NBPF15: variants seen among roughly 807,000 people sequenced by gnomAD.
The protein encoded by NBPF15 is NBPF family member NBPF15.
In NBPF15, 74 loss-of-function variants were observed where a neutral mutation model predicts 62.2. That is an observed-to-expected ratio of 1.19 (90% CI 0.99 to 1.44). The LOEUF (loss-of-function observed/expected upper bound fraction) is 1.44, where lower values mean the gene tolerates loss of function less well. NBPF15 is among the 40% of genes most tolerant of loss of function. NBPF15 has a pLI of 0.00. For synonymous variants in NBPF15, 244 were observed against 209.7 expected, an observed-to-expected ratio of 1.16 and a Z score of -1.41; for missense variants, 790 against 550.0, an observed-to-expected ratio of 1.44 and a Z score of -4.36.
chr1:144,451,572 G>A lies in NBPF15; in HGVS notation c.-431-702C>T, dbSNP rs139798424. Among the ~76,000 whole-genome samples the A allele has an allele frequency of 5.5e-4, 83 of 152,018 alleles. 1 individual carries two copies. The East Asian group carries it at 9.3e-3, about 17-fold the overall frequency. On this transcript the variant is annotated intron_variant, in intron 4 of 21. Transcript: ENST00000581897. ...TAGGCAGAGGTCCCTGCAGTCTTCC[G>A]CAGTGTAGTGTGTCTCTGGGCACTT...
chr1:144,422,753 T>A lies in NBPF15; in HGVS notation c.*260A>T, dbSNP rs1305254521. The A allele has an allele frequency of 2.6e-6, 2 of 766,932 alleles. No individual in the cohort carries two copies. Among genetic ancestry groups the A allele is most frequent in the Non-Finnish European group, 4.1e-6 (2 of 493,150 alleles). The allele number at this position is 766,932 out of a possible 1,614,324, so 47.5% of individuals were successfully genotyped here. On this transcript the variant is annotated 3_prime_UTR_variant, in exon 22 of 22. Transcript: ENST00000581897. ...AATTTTGTAGCTACCCAGAGATACG[T>A]GGTTCAAATTAAAATGTCTGACTGA...
chr1:144,432,111 A>G (rs1408575009), intron 13 of NBPF15, among the ~76,000 whole-genome samples: 1 of 152,092 alleles, frequency 6.6e-6, no homozygotes, highest in African/African-American at 2.4e-5. Flanking sequence ...TCCCACCAAC[A>G]GTGTAAAAGT....
chr1:144,457,899 G>A (rs1553547468), intron 3 of NBPF15, among the ~76,000 whole-genome samples: 1 of 151,934 alleles, frequency 6.6e-6, no homozygotes, highest in East Asian at 1.9e-4. Flanking sequence ...AAACCAGTCT[G>A]AGCACTACAG....
chr1:144,440,551 G>A (rs1325641663), intron 6 of NBPF15: 4 of 269,960 alleles, frequency 1.5e-5, no homozygotes, highest in African/African-American at 6.7e-5. Flanking sequence ...CATCATCAAG[G>A]CAGAAACAGT....
At position 144,427,930 on chromosome 1, in the gene NBPF15, T is replaced by A. The variant is rs1414794123; in HGVS notation, c.1101A>T (p.Arg367Ser). 14 of 759,632 alleles carry A rather than the reference T, an allele frequency of 1.8e-5. No individual in the cohort carries two copies. Among genetic ancestry groups the A allele is most frequent in the African/African-American group, 1.7e-4 (10 of 57,780 alleles). 47.1% of individuals were successfully genotyped at this position (759,632 alleles called of 1,614,324 possible). The stretch of plus-strand genomic sequence containing the variant: ...GACAACCTGAAGGAGTTGAATAACA[T>A]CTATCCAGTGAGTCCTGCAAGACTT... ...EPEVLQDSLD[R>S]CYSTPSGCLE... Residue 367 changes from arginine (R) to serine (S), a missense_variant, in exon 16 of 22, where the codon AGA becomes AGT. Coordinates refer to ENST00000581897, the MANE Select transcript of NBPF15 (RefSeq NM_001385408.1).
At chr1:144,448,255 C>T (rs587650601) in intron 6 of NBPF15, among the ~76,000 whole-genome samples, 1 of 152,064 alleles carries the variant, frequency 6.6e-6, no homozygotes, top group African/African-American at 2.4e-5. Context: ...CTCTGATATT[C>T]TGTGACTCTG....
intron 13 of NBPF15, among the ~76,000 whole-genome samples, chr1:144,430,964 G>A (rs1475357937): frequency 6.6e-6 from 1 of 152,006 alleles, no homozygotes; most frequent in African/African-American, 2.4e-5. Context: ...TCAAGTGCAA[G>A]AAATGGTATC....
In NBPF15 at chr1:144,439,893, G is replaced by T. The variant is rs1681547320; in HGVS notation, c.111C>A (p.Asn37Lys). The T allele has an allele frequency of 3.7e-6, 6 of 1,611,266 alleles. No homozygotes were observed. Among genetic ancestry groups the T allele is most frequent in the African/African-American group, 1.3e-5 (1 of 74,792 alleles). Residue 37 changes from asparagine (N) to lysine (K), a missense_variant, in exon 8 of 22, where the codon AAC becomes AAA. Asn to Lys is a moderately conservative substitution (Grantham distance 94). Transcript: ENST00000581897. ...GAGTTAGAAAACATTTCTCTTTGAG[G>T]TTTCTGAACTGCTGTTTCTTCTCTG... ...QLAEKKQQFR[N>K]LKEKCFLTQL...
rs1330060957 is a variant in NBPF15, at chr1:144,423,760, G to T, written c.1769+110C>A. 1.4e-5 allele frequency: 10 copies of T among 706,964 alleles called. No homozygotes were observed. The Admixed American group carries it at 2.0e-4, about 14-fold the overall frequency. 43.8% of individuals were successfully genotyped at this position (706,964 alleles called of 1,614,324 possible). On this transcript the variant is annotated intron_variant, in intron 21 of 21. Transcript: ENST00000581897. ...AAAACCAACAGCAATGACAGTAGGA[G>T]TAATTCAGCCTTCGTTGAAAACATG...
chr1:144,447,137 C>A (rs1402137811), intron 6 of NBPF15, among the ~76,000 whole-genome samples: 1 of 152,300 alleles, frequency 6.6e-6, no homozygotes, highest in Non-Finnish European at 1.5e-5. Flanking sequence ...CTTCCAGAAC[C>A]CTGTTGTTCT....
Position 144,422,644 on chromosome 1 carries a change from T to G in NBPF15, c.*369A>C, listed in dbSNP as rs1292132639. The G allele has an allele frequency of 5.3e-6, 2 of 378,212 alleles. No individual in the cohort carries two copies. The highest frequency in any genetic ancestry group is 8.5e-5 in the Admixed American group (2 of 23,498). The allele number at this position is 378,212 out of a possible 1,614,324, so 23.4% of individuals were successfully genotyped here. On this transcript the variant is annotated 3_prime_UTR_variant, in exon 22 of 22. Coordinates refer to ENST00000581897, the MANE Select transcript of NBPF15 (RefSeq NM_001385408.1). ...TTCATTGAAACCAGGGTAACACCTT[T>G]GGATGAGCTAAACACAAAGATGACA...
chr1:144,451,322 A>T (rs1251636886), intron 4 of NBPF15, among the ~76,000 whole-genome samples: 1 of 151,720 alleles, frequency 6.6e-6, no homozygotes, highest in Admixed American at 6.6e-5. Flanking sequence ...GGGATATACA[A>T]TCGGGCTTTA....
chr1:144,429,404 A>G (rs1484339264), intron 14 of NBPF15, among the ~76,000 whole-genome samples: 3 of 151,552 alleles, frequency 2.0e-5, no homozygotes, highest in Non-Finnish European at 4.4e-5. Flanking sequence ...GCTCCTGGGC[A>G]TGTGCTGCAT....
chr1:144,460,509 C>G (rs1651929940), intron 2 of NBPF15, among the ~76,000 whole-genome samples: 1 of 149,424 alleles, frequency 6.7e-6, no homozygotes, highest in African/African-American at 2.5e-5. Context: ...AAACAAAAAG[C>G]TACTAACACA....
chr1:144,451,271 C>A (rs1553545425), intron 4 of NBPF15, among the ~76,000 whole-genome samples: 1 of 151,926 alleles, frequency 6.6e-6, no homozygotes. Context: ...CAGCATGTCC[C>A]ACCTCCAGTC....
At chr1:144,429,075 CT>C in intron 14 of NBPF15, among the ~76,000 whole-genome samples, 1 of 151,880 alleles carries the variant, frequency 6.6e-6, no homozygotes, top group Non-Finnish European at 1.5e-5. Context: ...TGTACCAGCT[CT>C]TGAGTCAAAA....
At chr1:144,443,314 T>C (rs1684955035) in intron 6 of NBPF15, among the ~76,000 whole-genome samples, 2 of 152,048 alleles carry the variant, frequency 1.3e-5, no homozygotes, top group East Asian at 3.9e-4. Context: ...CTTTGATATA[T>C]TTATGAATAC....
intron 6 of NBPF15, among the ~76,000 whole-genome samples, chr1:144,442,178 A>ATATATACACGTGTATATATATTAT (rs1683699652): frequency 9.1e-6 from 1 of 109,418 alleles, no homozygotes; most frequent in Non-Finnish European, 1.8e-5. Flanking sequence ...ATATATATAT[A>ATATATACACGTGTATATATATTAT]TAATATATAT....
At chr1:144,433,253 T>C (rs1571123076) in intron 13 of NBPF15, among the ~76,000 whole-genome samples, 2 of 151,994 alleles carry the variant, frequency 1.3e-5, no homozygotes, top group African/African-American at 4.8e-5. Flanking sequence ...TTGAAACCAA[T>C]GAGAACAAAG....
Sources: gnomAD v4.1 joint callset for allele counts (sites outside exome capture counted in the v4.1 genomes callset) on GRCh38, gnomAD v4.1.1 for gene constraint, MANE v1.5 for transcripts, NCBI Gene and HGNC (gene_info 2026-07-23, HGNC 2026-07-21) for gene names.